STPG1: variants seen among roughly 807,000 people sequenced by gnomAD.
STPG1 encodes O(6)-methylguanine-induced apoptosis 2.
STPG1 carries 33 observed loss-of-function variants against 40.1 expected under a neutral mutation model. The observed-to-expected ratio is 0.82, with a 90% CI of 0.62 to 1.10. The LOEUF (loss-of-function observed/expected upper bound fraction) is 1.10, where lower values mean the gene tolerates loss of function less well. Among genes scored for constraint, STPG1 ranks in the 50% least tolerant of loss-of-function variants. The pLI is 0.00. For synonymous variants in STPG1, 150 were observed against 155.0 expected, an observed-to-expected ratio of 0.97 and a Z score of 0.24; for missense variants, 396 against 415.1, an observed-to-expected ratio of 0.95 and a Z score of 0.40.
intron 1 of STPG1, among the ~76,000 whole-genome samples, chr1:24,402,997 C>A (rs1643284413): frequency 6.6e-6 from 1 of 151,980 alleles, no homozygotes; most frequent in African/African-American, 2.4e-5. Context: ...TTTAAGATTT[C>A]TTTTGTCAGA....
chr1:24,410,069 C>G (rs763303543), intron 1 of STPG1, among the ~76,000 whole-genome samples: 1 of 152,152 alleles, frequency 6.6e-6, no homozygotes, highest in Non-Finnish European at 1.5e-5. Flanking sequence ...CTATAAAAAG[C>G]TGTTGCCACA....
intron 1 of STPG1, among the ~76,000 whole-genome samples, chr1:24,413,323 TTTG>T (rs1643818249): frequency 6.6e-6 from 1 of 152,214 alleles, no homozygotes; most frequent in South Asian, 2.1e-4. Context: ...AGATCAGGTC[TTTG>T]GCGTCCACCC....
intron 6 of STPG1, among the ~76,000 whole-genome samples, chr1:24,372,967 G>A (rs1184338569): frequency 1.3e-5 from 2 of 152,200 alleles, no homozygotes; most frequent in African/African-American, 2.4e-5. Flanking sequence ...AAGGCCGGCA[G>A]GGGAAACACT....
intron 6 of STPG1, 91 bp from the exon 7 acceptor site, chr1:24,369,930 T>A (rs1641657822): frequency 8.7e-7 from 1 of 1,148,374 alleles, no homozygotes; most frequent in Non-Finnish European, 1.2e-6. Context: ...ACCTGATGGC[T>A]GCAAGGCACC....
upstream of STPG1, chr1:24,414,753 C>G (rs1423701256): frequency 3.3e-5 from 5 of 152,052 alleles, no homozygotes; most frequent in African/African-American, 1.2e-4. Flanking sequence ...CCAGGCTGGT[C>G]TCAAACTCCT....
chr1:24,383,825 G>A, intron 4 of STPG1, 77 bp downstream of exon 4: 2 of 940,570 alleles, frequency 2.1e-6, no homozygotes, highest in Non-Finnish European at 3.5e-6. Flanking sequence ...AGGACCAGAT[G>A]TCCAATATAT....
rs552076081 is a variant in STPG1 at position 24,378,226 on chromosome 1, C to T, written c.462+1427G>A. Among the ~76,000 whole-genome samples, 8 of 152,302 alleles carry T rather than the reference C, an allele frequency of 5.3e-5. No homozygotes were observed. In the East Asian group the frequency reaches 9.6e-4, roughly 18 times the overall value. On this transcript the variant is annotated intron_variant, in intron 5 of 8. Transcript: ENST00000337248. The stretch of plus-strand genomic sequence containing the variant: ...AATAGTCTTCCTCAAATATAAAATT[C>T]ATAACTTTTATATTGATTAGTGTTG...
intron 1 of STPG1, among the ~76,000 whole-genome samples, chr1:24,410,303 A>C (rs1434112583): frequency 6.6e-6 from 1 of 152,160 alleles, no homozygotes. Flanking sequence ...AAATTACAAA[A>C]AAACTTTAAA....
chr1:24,373,397 T>A (rs530943720), intron 6 of STPG1, among the ~76,000 whole-genome samples: 1 of 152,234 alleles, frequency 6.6e-6, no homozygotes. Flanking sequence ...GGTATACGAA[T>A]GTGCACATTT....
chr1:24,378,799 C>T lies in STPG1; in HGVS notation c.462+854G>A, dbSNP rs553124070. On this transcript the variant is annotated intron_variant, in intron 5 of 8. Coordinates refer to ENST00000337248, the MANE Select transcript of STPG1 (RefSeq NM_001199013.2). Reference sequence around the variant, plus strand: ...TGTCTTAAGTACAATTCATATCTTGCGCACTTCAGAGTGCTTTCACGTTCG... The same window carrying T: ...TGTCTTAAGTACAATTCATATCTTGTGCACTTCAGAGTGCTTTCACGTTCG... 3.3e-5 allele frequency among the ~76,000 whole-genome samples: 5 copies of T among 152,278 alleles called. No homozygotes were observed. The East Asian group carries it at 7.7e-4, about 23-fold the overall frequency.
Position 24,365,178 on chromosome 1 carries a change from A to G in STPG1, c.738-4137T>C, listed in dbSNP as rs116404640. ...TCCCAGGGGAAGTTAGGGTGGGTCC[A>G]ATCTAATTACCAAAATTGGAGTGGG... On this transcript the variant is annotated intron_variant, in intron 7 of 8. Transcript: ENST00000337248. 6.4e-3 allele frequency among the ~76,000 whole-genome samples: 971 copies of G among 152,328 alleles called. 7 individuals carry two copies. The highest frequency in any genetic ancestry group is 0.022 in the African/African-American group (906 of 41,582).
chr1:24,364,441 G>A, intron 7 of STPG1: 4 of 1,452,606 alleles, frequency 2.8e-6, no homozygotes, highest in Non-Finnish European at 3.6e-6. Flanking sequence ...CTCAGAGTAT[G>A]TGGCCCCTGA....
At position 24,369,743 on chromosome 1, in the gene STPG1, G is replaced by A. The variant is rs778135895; in HGVS notation, c.668C>T (p.Ser223Leu). 3.1e-6 allele frequency: 5 copies of A among 1,613,140 alleles called. No individual in the cohort carries two copies. Among genetic ancestry groups the A allele is most frequent in the Admixed American group, 3.3e-5 (2 of 59,964 alleles). The change falls in exon 7 of 9, where the codon TCA becomes TTA. Residue 223 changes from serine (S) to leucine (L), a missense_variant. By Grantham distance (145) the Ser-to-Leu change is moderately radical. Transcript: ENST00000337248. ...SKTNRGLKLT[S>L]TGPGPGYYNP... ...GTAATAACCAGGTCCCGGGCCTGTT[G>A]ACGTCAGTTTTAATCCACGGTTGGT...
At chr1:24,404,588 A>C (rs1287850464) in intron 1 of STPG1, among the ~76,000 whole-genome samples, 1 of 152,244 alleles carries the variant, frequency 6.6e-6, no homozygotes, top group Non-Finnish European at 1.5e-5. Context: ...AAAGTCCATT[A>C]ACTTAATACA....
At chr1:24,400,578 A>C (rs775382172) in intron 2 of STPG1, among the ~76,000 whole-genome samples, 2 of 152,238 alleles carry the variant, frequency 1.3e-5, no homozygotes, top group Non-Finnish European at 2.9e-5. Flanking sequence ...GGAGGAAGAA[A>C]GAGAGATCTC....
At position 24,369,783 on chromosome 1, in the gene STPG1, A is replaced by G; in HGVS notation, c.628T>C (p.Cys210Arg). 6.2e-7 allele frequency: 1 copy of G among 1,613,346 alleles called. No individual in the cohort carries two copies. Among genetic ancestry groups the G allele is most frequent in the Non-Finnish European group, 8.5e-7 (1 of 1,179,298 alleles). ...VKQSPNTLMS[C>R]FKSKTNRGLK... ...CCACGGTTGGTTTTTGATTTAAAACAAGACATTAATGTATTTGGCGACTGC... is the reference window on the plus strand; with the variant it reads ...CCACGGTTGGTTTTTGATTTAAAACGAGACATTAATGTATTTGGCGACTGC... The change falls in exon 7 of 9, where the codon TGT becomes CGT. Residue 210 changes from cysteine (C) to arginine (R), a missense_variant. By Grantham distance (180) the Cys-to-Arg change is radical. Coordinates refer to ENST00000337248, the MANE Select transcript of STPG1 (RefSeq NM_001199013.2).
At chr1:24,384,123 A>C in intron 3 of STPG1, 120 bp from the exon 4 acceptor site, 1 of 627,914 alleles carries the variant, frequency 1.6e-6, no homozygotes, top group Non-Finnish European at 2.9e-6. Flanking sequence ...CGCTACCACC[A>C]CTTGGTGGGT....
At chr1:24,390,919 C>T (rs1240618545) in intron 3 of STPG1, among the ~76,000 whole-genome samples, 1 of 151,882 alleles carries the variant, frequency 6.6e-6, no homozygotes, top group East Asian at 1.9e-4. Flanking sequence ...CCTTCCTCAG[C>T]CTCTTGAGTA....
chr1:24,411,266 G>A (rs766486234), intron 1 of STPG1, among the ~76,000 whole-genome samples: 1 of 152,112 alleles, frequency 6.6e-6, no homozygotes, highest in Non-Finnish European at 1.5e-5. Context: ...AGTTTGGTGG[G>A]GGGTTAAGTG....
Sources: allele counts gnomAD v4.1 joint callset (sites outside exome capture counted in the v4.1 genomes callset), GRCh38; gene constraint gnomAD v4.1.1; transcripts MANE v1.5; gene names NCBI Gene and HGNC (gene_info 2026-07-23, HGNC 2026-07-21).